The following RBFOX1 variants were observed in gnomAD, a reference collection of about 807,000 sequenced individuals.
RBFOX1 encodes the protein RNA binding fox-1 homolog 1.
A neutral mutation model predicts 57.7 loss-of-function variants in RBFOX1; 8 were observed. The observed-to-expected ratio is 0.14, with a 90% CI of 0.08 to 0.25. RBFOX1 has a LOEUF of 0.25. RBFOX1 is among the 10% of genes least tolerant of loss of function. The probability of loss-of-function intolerance (pLI) is 1.00; values close to 1 mark genes in which losing one functional copy is unlikely to be tolerated. For synonymous variants in RBFOX1, 326 were observed against 222.4 expected (o/e 1.47, Z -4.15); for missense variants, 611 against 548.5 (o/e 1.11, Z -1.14).
intron 1 of RBFOX1, among the ~76,000 whole-genome samples, chr16:5,428,464 G>C (rs534741572): frequency 6.6e-6 from 1 of 152,202 alleles, no homozygotes; most frequent in African/African-American, 2.4e-5. Context: ...GGGAATTGCA[G>C]TGTGGCTGAG....
intron 3 of RBFOX1, among the ~76,000 whole-genome samples, chr16:5,637,894 A>G (rs940049272): frequency 6.6e-6 from 1 of 152,174 alleles, no homozygotes; most frequent in African/African-American, 2.4e-5. Flanking sequence ...CCTGGAGGAA[A>G]TGACCCTGTT....
At chr16:7,364,563 T>C (rs1164040771) in intron 4 of RBFOX1, among the ~76,000 whole-genome samples, 5 of 132,416 alleles carry the variant, frequency 3.8e-5, no homozygotes, top group Admixed American at 8.4e-5. Context: ...GCTCACATGA[T>C]ATCAAGAAGA....
At chr16:7,586,423 T>A (rs114868122) in intron 6 of RBFOX1, among the ~76,000 whole-genome samples, 2 of 152,180 alleles carry the variant, frequency 1.3e-5, no homozygotes, top group Non-Finnish European at 2.9e-5. Context: ...CACTGGGACT[T>A]CCAGATTTCA....
chr16:7,578,669 C>T (rs1184019384), intron 5 of RBFOX1, among the ~76,000 whole-genome samples: 1 of 152,164 alleles, frequency 6.6e-6, no homozygotes, highest in African/African-American at 2.4e-5. Flanking sequence ...GATGATTCCT[C>T]ACTCATAAAT....
intron 2 of RBFOX1, among the ~76,000 whole-genome samples, chr16:6,613,003 ATGTG>A (rs57236292): frequency 0.042 from 5,976 of 143,098 alleles, 148 homozygotes; most frequent in Middle Eastern, 0.06. Context: ...CAGTCCCAGC[ATGTG>A]TGTGTGTGTG....
At chr16:5,284,287 A>G (rs939145439) in intron 1 of RBFOX1, among the ~76,000 whole-genome samples, 1 of 152,164 alleles carries the variant, frequency 6.6e-6, no homozygotes, top group Non-Finnish European at 1.5e-5. Flanking sequence ...AAAACAGACT[A>G]ATACACCCGT....
chr16:6,947,374 A>G (rs768930888), intron 3 of RBFOX1, among the ~76,000 whole-genome samples: 1 of 152,202 alleles, frequency 6.6e-6, no homozygotes, highest in South Asian at 2.1e-4. Flanking sequence ...AGCCTTTTGC[A>G]TCTTAATCGC....
intron 3 of RBFOX1, among the ~76,000 whole-genome samples, chr16:7,027,924 A>G (rs905188746): frequency 6.6e-6 from 1 of 151,738 alleles, no homozygotes; most frequent in African/African-American, 2.4e-5. Context: ...AGAAGGGAAA[A>G]GAGAAGGAAG....
chr16:6,418,672 G>A (rs1294057180), intron 2 of RBFOX1, among the ~76,000 whole-genome samples: 3 of 151,830 alleles, frequency 2.0e-5, no homozygotes, highest in African/African-American at 7.3e-5. Context: ...ACAGGTGCAT[G>A]CCACCACACC....
intron 2 of RBFOX1, among the ~76,000 whole-genome samples, chr16:6,531,867 G>A (rs2096662604): frequency 6.6e-6 from 1 of 152,172 alleles, no homozygotes; most frequent in Admixed American, 6.5e-5. Context: ...ACCAATTAGG[G>A]CTCATTGGTT....
chr16:5,493,014 G>A (rs1168889165), intron 2 of RBFOX1, among the ~76,000 whole-genome samples: 3 of 152,202 alleles, frequency 2.0e-5, no homozygotes, highest in Non-Finnish European at 4.4e-5. Context: ...CTTCCTAAAT[G>A]AAGCTTTATC....
intron 4 of RBFOX1, among the ~76,000 whole-genome samples, chr16:7,359,079 G>C (rs1404972022): frequency 1.3e-5 from 2 of 152,168 alleles, no homozygotes; most frequent in Non-Finnish European, 2.9e-5. Flanking sequence ...CTACAGCATA[G>C]CCATCTAAGG....
At chr16:5,363,187 C>T (rs965212307) in intron 1 of RBFOX1, among the ~76,000 whole-genome samples, 3 of 150,684 alleles carry the variant, frequency 2.0e-5, no homozygotes, top group Admixed American at 1.3e-4. Context: ...GCATGTGCCA[C>T]AGCCCCTGGC....
chr16:6,584,520 A>T (rs566117835), intron 2 of RBFOX1, among the ~76,000 whole-genome samples: 57 of 151,760 alleles, frequency 3.8e-4, no homozygotes, highest in Non-Finnish European at 6.3e-4. Flanking sequence ...GCCCTTCCCC[A>T]CCACACCCAG....
At chr16:7,131,050 A>G (rs1204796638) in intron 4 of RBFOX1, among the ~76,000 whole-genome samples, 2 of 152,178 alleles carry the variant, frequency 1.3e-5, no homozygotes, top group Non-Finnish European at 2.9e-5. Context: ...TAATCATAAG[A>G]ATCATAGCTT....
intron 4 of RBFOX1, among the ~76,000 whole-genome samples, chr16:5,963,303 T>C (rs1199166096): frequency 6.6e-6 from 1 of 152,122 alleles, no homozygotes; most frequent in Admixed American, 6.5e-5. Flanking sequence ...TCCAAGGTGA[T>C]AGAGCAGTTA....
intron 2 of RBFOX1, among the ~76,000 whole-genome samples, chr16:5,502,898 A>G (rs1223148256): frequency 6.6e-6 from 1 of 152,214 alleles, no homozygotes; most frequent in East Asian, 1.9e-4. Flanking sequence ...CTTGAACAAT[A>G]CAGTCCCTAG....
intron 3 of RBFOX1, among the ~76,000 whole-genome samples, chr16:6,998,889 G>C (rs1383009637): frequency 6.6e-6 from 1 of 151,208 alleles, no homozygotes; most frequent in African/African-American, 2.4e-5. Flanking sequence ...ATTATTTTGC[G>C]ACTGAGTTTC....
At chr16:6,207,501 G>T (rs1305561177) in intron 1 of RBFOX1, among the ~76,000 whole-genome samples, 7 of 152,102 alleles carry the variant, frequency 4.6e-5, no homozygotes, top group Admixed American at 2.0e-4. Context: ...TTGTGGGGAG[G>T]TGGTTAAGAG....
Sources: gnomAD v4.1 joint callset for allele counts (sites outside exome capture counted in the v4.1 genomes callset) on GRCh38, gnomAD v4.1.1 for gene constraint, MANE v1.5 for transcripts, NCBI Gene and HGNC (gene_info 2026-07-23, HGNC 2026-07-21) for gene names.